The following CDH2 variants were observed in gnomAD, a reference collection of about 807,000 sequenced individuals.
CDH2 encodes cadherin-2.
In CDH2, 17 loss-of-function variants were observed where a neutral mutation model predicts 92.0. The ratio of observed to expected loss-of-function variants is 0.18; its 90% confidence interval spans 0.13 to 0.28. CDH2 has a LOEUF of 0.28. Among genes scored for constraint, CDH2 ranks in the 10% least tolerant of loss-of-function variants. The pLI is 1.00. For missense variants in CDH2, 862 were observed against 1,133.1 expected (o/e 0.76, Z 3.44); for synonymous variants, 419 against 415.9 (o/e 1.01, Z -0.09).
intron 2 of CDH2, among the ~76,000 whole-genome samples, chr18:28,133,568 C>A (rs1231267): frequency 7.8e-6 from 1 of 127,608 alleles, no homozygotes; most frequent in Non-Finnish European, 1.6e-5. Context: ...GGTGACAGAG[C>A]GAGACTCTGT....
rs2014013411 is a variant in CDH2 at position 28,043,890 on chromosome 18, A to AGTTT, written c.173-29982_173-29981insAAAC. Reference sequence around the variant, plus strand: ...AGTCTCATCTTTCTCAGAATCTCGGATTTTTTTTTTTTTTTTTTTTTTTTT... The same window carrying AGTTT: ...AGTCTCATCTTTCTCAGAATCTCGGAGTTTTTTTTTTTTTTTTTTTTTTTTTTTT... On this transcript the variant is annotated intron_variant, in intron 2 of 15. Coordinates refer to ENST00000269141, the MANE Select transcript of CDH2 (RefSeq NM_001792.5). Among the ~76,000 whole-genome samples, 45 of 91,472 alleles carry AGTTT rather than the reference A, an allele frequency of 4.9e-4. 2 individuals are homozygous for AGTTT. Among genetic ancestry groups the AGTTT allele is most frequent in the African/African-American group, 1.5e-3 (38 of 25,772 alleles). 60.0% of individuals were successfully genotyped at this position (91,472 alleles called of 152,430 possible).
intron 2 of CDH2, among the ~76,000 whole-genome samples, chr18:28,117,354 T>C (rs990766379): frequency 4.6e-5 from 7 of 152,152 alleles, no homozygotes; most frequent in African/African-American, 1.7e-4. Context: ...AGGACATAGA[T>C]ATCCCTTCCA....
chr18:27,944,128 T>A (rs1045680550), intron 6 of CDH2, among the ~76,000 whole-genome samples: 1 of 152,162 alleles, frequency 6.6e-6, no homozygotes, highest in African/African-American at 2.4e-5. Flanking sequence ...ACCACGGATG[T>A]TAACAAAATG....
chr18:28,039,660 C>A (rs17446001), intron 2 of CDH2, among the ~76,000 whole-genome samples: 25,470 of 152,020 alleles, frequency 0.17, 2,413 homozygotes, highest in East Asian at 0.29. Context: ...TCTATCAGTG[C>A]CAAGTCAGGA....
chr18:28,083,489 G>C (rs541557737), intron 2 of CDH2, among the ~76,000 whole-genome samples: 1 of 152,168 alleles, frequency 6.6e-6, no homozygotes, highest in South Asian at 2.1e-4. Context: ...ATTTGAAAAA[G>C]ACCTTAGAGA....
chr18:27,965,926 T>TG (rs547926266), intron 14 of CDH2, among the ~76,000 whole-genome samples: 405 of 138,104 alleles, frequency 2.9e-3, no homozygotes, highest in Non-Finnish European at 4.5e-3. Context: ...AGGTGAAAGT[T>TG]GCAGTGAGAC....
chr18:28,143,393 G>T (rs961281525), intron 2 of CDH2, among the ~76,000 whole-genome samples: 3 of 151,880 alleles, frequency 2.0e-5, no homozygotes, highest in African/African-American at 4.8e-5. Context: ...TACCACAAGA[G>T]ATTTTTTTTT....
At chr18:28,119,391 C>G (rs1228567260) in intron 2 of CDH2, among the ~76,000 whole-genome samples, 1 of 152,054 alleles carries the variant, frequency 6.6e-6, no homozygotes, top group Non-Finnish European at 1.5e-5. Flanking sequence ...CAATCAGACA[C>G]AGACCACCAC....
rs184308528 is a variant in CDH2, at chr18:28,027,231, G to A, written c.173-13322C>T. 2.4e-3 allele frequency among the ~76,000 whole-genome samples: 365 copies of A among 152,042 alleles called. 2 individuals carry two copies. The highest frequency in any genetic ancestry group is 0.014 in the Middle Eastern group (4 of 294). ...TGTCTAATAAGGCCTCAGCTTGAGT[G>A]ACCTACAACAAGACAGTAAAATTAG... On this transcript the variant is annotated intron_variant, in intron 2 of 15. Coordinates refer to ENST00000269141, the MANE Select transcript of CDH2 (RefSeq NM_001792.5).
chr18:28,070,853 T>C (rs1319476951), intron 2 of CDH2, among the ~76,000 whole-genome samples: 2 of 152,176 alleles, frequency 1.3e-5, no homozygotes, highest in Non-Finnish European at 2.9e-5. Context: ...CCATCAGTGG[T>C]AGGATTCGAA....
downstream of CDH2, among the ~76,000 whole-genome samples, chr18:27,947,105 G>GA (rs1909286495): frequency 2.6e-5 from 4 of 151,786 alleles, no homozygotes; most frequent in South Asian, 4.1e-4. Flanking sequence ...TTGGAAAAGG[G>GA]AAAAAACTGT....
At chr18:27,937,962 T>A (rs1316359362) in intron 6 of CDH2, among the ~76,000 whole-genome samples, 1 of 152,160 alleles carries the variant, frequency 6.6e-6, no homozygotes, top group Non-Finnish European at 1.5e-5. Flanking sequence ...AATATAATAT[T>A]AAGTAATTTC....
Position 28,160,517 on chromosome 18 carries a change from G to C in CDH2, c.61-12733C>G, listed in dbSNP as rs557331956. Among the ~76,000 whole-genome samples the C allele has an allele frequency of 9.8e-5, 15 of 152,330 alleles. No individual in the cohort carries two copies. The South Asian group carries it at 2.7e-3, about 27-fold the overall frequency. ...GCAAGGTGGGGACAGCATGGATTCT[G>C]ACAGCTCGACCACTGGCTCAAGGGT... On this transcript the variant is annotated intron_variant, in intron 1 of 15. Transcript: ENST00000269141.
Position 28,107,153 on chromosome 18 carries a change from C to T in CDH2, c.172+40520G>A, listed in dbSNP as rs888305432. 1.3e-4 allele frequency among the ~76,000 whole-genome samples: 20 copies of T among 152,084 alleles called. No homozygotes were observed. In the East Asian group the frequency reaches 3.1e-3, roughly 23 times the overall value. ...GCACCATTTCAGACTACAAAATCAA[C>T]GTTAATCATTTCAAAGATCTAATAA... On this transcript the variant is annotated intron_variant, in intron 2 of 15. Transcript: ENST00000269141.
intron 5 of CDH2, among the ~76,000 whole-genome samples, chr18:28,007,165 A>AAAAATATATATATATATATATATAT (rs1172779200): frequency 2.7e-5 from 3 of 110,460 alleles, no homozygotes; most frequent in African/African-American, 1.3e-4. Context: ...ATAAAAAAAA[A>AAAAATATATATATATATATATATAT]ATATATATAT....
intron 2 of CDH2, among the ~76,000 whole-genome samples, chr18:28,066,404 A>C (rs1465758882): frequency 6.6e-6 from 1 of 152,130 alleles, no homozygotes; most frequent in Non-Finnish European, 1.5e-5. Flanking sequence ...TTAGCACAAG[A>C]GTTCGAACAA....
chr18:27,952,023 G>T lies in CDH2; in HGVS notation c.*130C>A. 1.3e-6 allele frequency: 1 copy of T among 781,044 alleles called. No homozygotes were observed. The highest frequency in any genetic ancestry group is 2.1e-6 in the Non-Finnish European group (1 of 465,384). The allele number at this position is 781,044 out of a possible 1,614,324, so 48.4% of individuals were successfully genotyped here. On this transcript the variant is annotated 3_prime_UTR_variant, in exon 16 of 16. Transcript: ENST00000269141. The stretch of plus-strand genomic sequence containing the variant: ...CCCTCTGAGCCCAAATTGGTTTGCA[G>T]CCTATGCCAAAGCCTCCAGCAAGCA...
intron 2 of CDH2, among the ~76,000 whole-genome samples, chr18:28,024,473 T>C (rs2013497101): frequency 6.7e-6 from 1 of 149,980 alleles, no homozygotes. Flanking sequence ...GTATATGTAT[T>C]TAAAATATAT....
At chr18:28,154,393 T>G (rs1222352934) in intron 1 of CDH2, among the ~76,000 whole-genome samples, 1 of 152,242 alleles carries the variant, frequency 6.6e-6, no homozygotes, top group Non-Finnish European at 1.5e-5. Context: ...TTAGTGCCGC[T>G]CTGTGCTCTC....
Sources: gnomAD v4.1 joint callset for allele counts (sites outside exome capture counted in the v4.1 genomes callset) on GRCh38, gnomAD v4.1.1 for gene constraint, MANE v1.5 for transcripts, NCBI Gene and HGNC (gene_info 2026-07-23, HGNC 2026-07-21) for gene names.